SUGCT: variants seen among roughly 807,000 people sequenced by gnomAD.
SUGCT encodes the protein succinyl-CoA:glutarate-CoA transferase.
A neutral mutation model predicts 55.0 loss-of-function variants in SUGCT; 41 were observed. That is an observed-to-expected ratio of 0.74 (90% CI 0.58 to 0.97). The LOEUF is 0.97. SUGCT is among the 50% of genes least tolerant of loss of function. The pLI is 0.00. For synonymous variants in SUGCT, 187 were observed against 200.4 expected (o/e 0.93, Z 0.56); for missense variants, 568 against 547.8 (o/e 1.04, Z -0.37).
the SUGCT span, among the ~76,000 whole-genome samples, chr7:40,943,729 G>T: frequency 7.8e-4 from 119 of 151,688 alleles, 2 homozygotes; most frequent in Middle Eastern, 0.017. Flanking sequence ...GAATAGTGCC[G>T]CAATAAACAT....
At chr7:40,649,802 C>T (rs747236070) in intron 12 of SUGCT, among the ~76,000 whole-genome samples, 4 of 152,110 alleles carry the variant, frequency 2.6e-5, no homozygotes, top group African/African-American at 4.8e-5. Flanking sequence ...TGCCAAGAGA[C>T]GGAGAGATCA....
intron 12 of SUGCT, among the ~76,000 whole-genome samples, chr7:40,522,801 T>C (rs2151578121): frequency 6.6e-6 from 1 of 152,238 alleles, no homozygotes; most frequent in East Asian, 1.9e-4. Context: ...TTGTCCCATG[T>C]GCATATTGAC....
chr7:40,449,425 A>G lies in SUGCT; in HGVS notation c.888+67A>G, dbSNP rs1266277349. 49 of 1,241,552 alleles carry G rather than the reference A, an allele frequency of 3.9e-5. No individual in the cohort carries two copies. The East Asian group carries it at 1.1e-3, about 27-fold the overall frequency. The allele number at this position is 1,241,552 out of a possible 1,614,324, so 76.9% of individuals were successfully genotyped here. ...AGCCAGGGAAAGTTCAGTTTTGCCC[A>G]GGTCACAACCAACTTAGGCCCCCTG... On this transcript the variant is annotated intron_variant, in intron 10 of 13. Transcript: ENST00000335693.
At chr7:40,203,908 A>G (rs964168119) in intron 6 of SUGCT, among the ~76,000 whole-genome samples, 3 of 152,184 alleles carry the variant, frequency 2.0e-5, no homozygotes, top group African/African-American at 7.2e-5. Context: ...ATTTAAAAAT[A>G]TATTTTCCTG....
At chr7:40,465,918 G>C (rs1162416865) in intron 11 of SUGCT, among the ~76,000 whole-genome samples, 2 of 152,022 alleles carry the variant, frequency 1.3e-5, no homozygotes, top group Non-Finnish European at 2.9e-5. Flanking sequence ...GTCTCACTCT[G>C]TCACCCAGGC....
At position 40,377,190 on chromosome 7, in the gene SUGCT, CTTTCTTTCT is replaced by C. The variant is rs1255496556; in HGVS notation, c.816+60343_816+60351del. On this transcript the variant is annotated intron_variant, in intron 9 of 13. Coordinates refer to ENST00000335693, the MANE Select transcript of SUGCT (RefSeq NM_001193313.2). ...TCTTTCTTTCTTTCTTTCTTTCTTT[CTTTCTTTCT>C]TTTCTTTTCTTTTCTTTCTTTTCTT... 8.0e-4 allele frequency among the ~76,000 whole-genome samples: 8 copies of C among 9,988 alleles called. 2 individuals are homozygous for C. Among genetic ancestry groups the C allele is most frequent in the African/African-American group, 9.3e-4 (8 of 8,612 alleles). 6.6% of individuals were successfully genotyped at this position (9,988 alleles called of 152,430 possible). A position where few individuals can be genotyped will look rare whatever the true frequency, so the allele number is the denominator to read the frequency against.
At chr7:40,551,387 A>G (rs916848291) in intron 12 of SUGCT, among the ~76,000 whole-genome samples, 1 of 152,208 alleles carries the variant, frequency 6.6e-6, no homozygotes, top group Non-Finnish European at 1.5e-5. Context: ...CAGGAATACT[A>G]TCCTCTGTAA....
chr7:40,580,976 G>T (rs1358989019), intron 12 of SUGCT, among the ~76,000 whole-genome samples: 1 of 152,158 alleles, frequency 6.6e-6, no homozygotes, highest in Non-Finnish European at 1.5e-5. Context: ...GCATTTTTCA[G>T]AAAGAATTCC....
At chr7:40,706,920 G>A (rs899454818) in intron 12 of SUGCT, among the ~76,000 whole-genome samples, 1 of 152,168 alleles carries the variant, frequency 6.6e-6, no homozygotes, top group Admixed American at 6.5e-5. Context: ...CTCAGGATGA[G>A]CAGTCCTGCT....
chr7:40,155,299 TAGC>T (rs1783832343), intron 1 of SUGCT, among the ~76,000 whole-genome samples: 1 of 134,280 alleles, frequency 7.4e-6, no homozygotes, highest in Non-Finnish European at 1.6e-5. Context: ...AAAAAAAAAA[TAGC>T]AGACACATTG....
intron 12 of SUGCT, among the ~76,000 whole-genome samples, chr7:40,591,438 A>G (rs1444250252): frequency 6.6e-6 from 1 of 152,254 alleles, no homozygotes; most frequent in Non-Finnish European, 1.5e-5. Context: ...GATGGAATCT[A>G]TTCCTGGTGA....
intron 9 of SUGCT, among the ~76,000 whole-genome samples, chr7:40,377,158 C>CTTTCTTTCTTT: frequency 6.5e-5 from 1 of 15,486 alleles, no homozygotes; most frequent in African/African-American, 1.0e-4. Context: ...TTCTTTCTTT[C>CTTTCTTTCTTT]TTTCTTTCTT....
At chr7:40,936,018 T>C in the SUGCT span, among the ~76,000 whole-genome samples, 4 of 152,164 alleles carry the variant, frequency 2.6e-5, no homozygotes, top group African/African-American at 9.6e-5. Context: ...CGTTTTCATG[T>C]GCTTATTAAT....
At chr7:40,875,128 A>G in the SUGCT span, among the ~76,000 whole-genome samples, 5 of 152,300 alleles carry the variant, frequency 3.3e-5, no homozygotes, top group African/African-American at 1.2e-4. Context: ...TTCTTCTGAG[A>G]TAGATTGGAA....
At chr7:40,467,426 T>A (rs1015161589) in intron 11 of SUGCT, among the ~76,000 whole-genome samples, 2 of 152,174 alleles carry the variant, frequency 1.3e-5, no homozygotes, top group African/African-American at 4.8e-5. Context: ...CCCACACATT[T>A]ATCCTTTGTG....
intron 7 of SUGCT, among the ~76,000 whole-genome samples, chr7:40,248,005 GTTTTTTTGT>G (rs1052607545): frequency 1.5e-4 from 15 of 101,678 alleles, no homozygotes; most frequent in Non-Finnish European, 2.0e-4. Context: ...TTGTGTTTTT[GTTTTTTTGT>G]TTTTTTTTTT....
chr7:40,470,166 G>T (rs1278397863), intron 11 of SUGCT, among the ~76,000 whole-genome samples: 1 of 152,032 alleles, frequency 6.6e-6, no homozygotes, highest in African/African-American at 2.4e-5. Context: ...AATGGATGGA[G>T]AATCTGGAGT....
At chr7:40,368,832 G>A (rs1331792402) in intron 9 of SUGCT, among the ~76,000 whole-genome samples, 2 of 152,114 alleles carry the variant, frequency 1.3e-5, no homozygotes, top group Non-Finnish European at 2.9e-5. Context: ...GGCTGGGTGT[G>A]GTGGCTGACA....
rs182765442 is a variant in SUGCT at position 40,381,907 on chromosome 7, A to G, written c.816+65052A>G. On this transcript the variant is annotated intron_variant, in intron 9 of 13. Coordinates refer to ENST00000335693, the MANE Select transcript of SUGCT (RefSeq NM_001193313.2). ...TATATGTTTTTTCTGCTGGACAATT[A>G]TTTCAGGTGGAGTTGATAAATTTCA... 2.0e-3 allele frequency among the ~76,000 whole-genome samples: 300 copies of G among 152,060 alleles called. 12 individuals are homozygous for G. The South Asian group carries it at 0.059, about 30-fold the overall frequency.
Sources: allele counts gnomAD v4.1 joint callset (sites outside exome capture counted in the v4.1 genomes callset), GRCh38; gene constraint gnomAD v4.1.1; transcripts MANE v1.5; gene names NCBI Gene and HGNC (gene_info 2026-07-23, HGNC 2026-07-21).